The following KLRG1 variants were observed in gnomAD, a reference collection of about 807,000 sequenced individuals.
The protein encoded by KLRG1 is killer cell lectin like receptor G1.
KLRG1 carries 16 observed loss-of-function variants against 21.8 expected under a neutral mutation model. The observed-to-expected ratio is 0.73, with a 90% CI of 0.50 to 1.11. The LOEUF (loss-of-function observed/expected upper bound fraction) is 1.11. Ranked by LOEUF, KLRG1 falls within the 50% of genes most tolerant of loss-of-function variation. KLRG1 has a pLI of 0.00. For synonymous variants in KLRG1, 69 were observed against 75.9 expected, an observed-to-expected ratio of 0.91 and a Z score of 0.47; for missense variants, 173 against 218.3, an observed-to-expected ratio of 0.79 and a Z score of 1.31.
At chr12:9,165,486 G>A in the KLRG1 span, 5 of 1,076,710 alleles carry the variant, frequency 4.6e-6, no homozygotes, top group African/African-American at 3.2e-5. Flanking sequence ...GTATATGCGA[G>A]TGTGCATTCG....
chr12:9,202,305 T>C, the KLRG1 span: 1 of 1,607,312 alleles, frequency 6.2e-7, no homozygotes, highest in East Asian at 2.2e-5. Context: ...AAACCACAGA[T>C]AGTGGATGCT....
At chr12:9,048,504 G>C in the KLRG1 span, among the ~76,000 whole-genome samples, 1 of 152,142 alleles carries the variant, frequency 6.6e-6, no homozygotes, top group Non-Finnish European at 1.5e-5. Flanking sequence ...TGTAAGAATA[G>C]TTATGTGCAA....
At chr12:9,170,720 C>T in the KLRG1 span, among the ~76,000 whole-genome samples, 1 of 152,192 alleles carries the variant, frequency 6.6e-6, no homozygotes, top group Admixed American at 6.5e-5. The surrounding 1 kb of genome is among the most constrained non-coding windows in gnomAD (Gnocchi z 4.6). Flanking sequence ...GCACAGCTGC[C>T]TTGCCAGATT....
the KLRG1 span, chr12:9,076,899 G>A: frequency 6.2e-7 from 1 of 1,608,798 alleles, no homozygotes; most frequent in Non-Finnish European, 8.5e-7. Context: ...CTTCCAGGCT[G>A]ACTCCAGGCA....
chr12:9,168,885 A>T, the KLRG1 span: 1 of 1,613,616 alleles, frequency 6.2e-7, no homozygotes, highest in South Asian at 1.1e-5. Context: ...AGTATCCTTG[A>T]CCTACTGCTC....
chr12:8,992,360 G>T (rs768364897), intron 2 of KLRG1, 50 bp downstream of exon 2: 18 of 1,307,954 alleles, frequency 1.4e-5, no homozygotes, highest in East Asian at 2.3e-5. Flanking sequence ...TATTATAAAA[G>T]CAATATAACA....
the KLRG1 span, among the ~76,000 whole-genome samples, chr12:9,136,561 A>G: frequency 2.0e-5 from 3 of 152,308 alleles, no homozygotes; most frequent in South Asian, 2.1e-4. Context: ...GCATGTATAT[A>G]TAATATGCAT....
At chr12:9,192,838 A>G in the KLRG1 span, 9 of 762,308 alleles carry the variant, frequency 1.2e-5, no homozygotes, top group Non-Finnish European at 2.0e-5. Context: ...TCCACTCTAA[A>G]ATACACTATG....
At chr12:9,023,900 GT>G in the KLRG1 span, among the ~76,000 whole-genome samples, 20 of 147,540 alleles carry the variant, frequency 1.4e-4, no homozygotes, top group East Asian at 9.9e-4. Context: ...ATAGGTTGAG[GT>G]TTTTTTTTTC....
Position 8,957,549 on chromosome 12 carries a change from T to G in KLRG1, c.-156+7313T>G, listed in dbSNP as rs760654306. 4.0e-5 allele frequency among the ~76,000 whole-genome samples: 6 copies of G among 149,896 alleles called. No homozygotes were observed. The South Asian group carries it at 1.0e-3, about 26-fold the overall frequency. ...TTTTGTTTTGTTTTTTTGTTTTTTG[T>G]TTTTTTTTAGTAAGTCAAGAACCTT... is the stretch of plus-strand genomic sequence containing the variant. On this transcript the variant is annotated intron_variant, in intron 1 of 4. Coordinates refer to the KLRG1 transcript ENST00000539240.
At chr12:9,050,572 G>C in the KLRG1 span, among the ~76,000 whole-genome samples, 1 of 151,986 alleles carries the variant, frequency 6.6e-6, no homozygotes, top group African/African-American at 2.4e-5. Context: ...CTCCTGGGTG[G>C]GGCTACAGCC....
chr12:9,200,886 C>G, the KLRG1 span: 1 of 1,610,526 alleles, frequency 6.2e-7, no homozygotes, highest in Non-Finnish European at 8.5e-7. Flanking sequence ...CTTCCATAAT[C>G]CATACCAAAT....
At chr12:8,966,190 A>G (rs1946468849) in intron 1 of KLRG1, among the ~76,000 whole-genome samples, 1 of 152,254 alleles carries the variant, frequency 6.6e-6, no homozygotes. Flanking sequence ...AATTAATTCA[A>G]GATGGATTAA....
chr12:9,213,622 T>A, the KLRG1 span, among the ~76,000 whole-genome samples: 1 of 152,156 alleles, frequency 6.6e-6, no homozygotes, highest in Non-Finnish European at 1.5e-5. Context: ...TGACCATTTA[T>A]GTATCATCTT....
chr12:9,162,265 C>T, the KLRG1 span: 1 of 213,668 alleles, frequency 4.7e-6, no homozygotes, highest in African/African-American at 2.3e-5. Flanking sequence ...CCCGGCTAAC[C>T]CTGCTCTCTT....
the KLRG1 span, chr12:9,166,150 A>G: frequency 2.5e-6 from 4 of 1,613,834 alleles, no homozygotes; most frequent in African/African-American, 2.7e-5. Flanking sequence ...AGGGTATCAC[A>G]TTATATGTGC....
chr12:9,163,821 C>A, the KLRG1 span: 7 of 1,601,444 alleles, frequency 4.4e-6, no homozygotes, highest in Non-Finnish European at 5.1e-6. Context: ...ACATGAGTAT[C>A]CACTTTGATA....
the KLRG1 span, chr12:9,152,335 T>G: frequency 6.2e-5 from 98 of 1,581,192 alleles, no homozygotes; most frequent in Middle Eastern, 6.7e-4. Context: ...GAAAAAGAAT[T>G]TAGGGTTTTA....
chr12:8,999,769 T>G (rs1287747162), intron 3 of KLRG1, among the ~76,000 whole-genome samples: 2 of 152,236 alleles, frequency 1.3e-5, no homozygotes, highest in Admixed American at 6.5e-5. Context: ...CCGGGCGTGG[T>G]GGCTCACGCC....
Sources: allele counts gnomAD v4.1 joint callset (sites outside exome capture counted in the v4.1 genomes callset), GRCh38; gene constraint gnomAD v4.1.1; non-coding constraint Gnocchi (gnomAD v3.1); transcripts MANE v1.5; gene names NCBI Gene and HGNC (gene_info 2026-07-23, HGNC 2026-07-21).